ANGPTL1: variants seen among roughly 807,000 people sequenced by gnomAD.
ANGPTL1 encodes the protein angiopoietin like 1.
ANGPTL1 carries 36 observed loss-of-function variants against 46.7 expected under a neutral mutation model. The ratio of observed to expected loss-of-function variants is 0.77; its 90% CI spans 0.59 to 1.02. The LOEUF is 1.02. Among genes scored for constraint, ANGPTL1 ranks in the 50% least tolerant of loss-of-function variants. ANGPTL1 has a pLI of 0.00. For synonymous variants in ANGPTL1, 221 were observed against 204.3 expected (o/e 1.08, Z -0.69); for missense variants, 571 against 594.7 (o/e 0.96, Z 0.41).
Position 178,850,180 on chromosome 1 carries a change from G to A in ANGPTL1, c.*949C>T, listed in dbSNP as rs943871164. On this transcript the variant is annotated 3_prime_UTR_variant, in exon 6 of 6. Transcript: ENST00000234816. ...CCTTGAGTTTGTTTTAGTCCCACCT[G>A]TTCTGAGCATGCACTAATACTTGTA... The A allele has an allele frequency of 3.5e-4, 54 of 152,710 alleles. No homozygotes were observed. Among genetic ancestry groups the A allele is most frequent in the Non-Finnish European group, 7.3e-5 (5 of 68,034 alleles). 9.5% of individuals were successfully genotyped at this position (152,710 alleles called of 1,614,324 possible). A position where few individuals can be genotyped will look rare whatever the true frequency, so the allele number is the denominator to read the frequency against.
chr1:178,864,147 C>T (rs979427048), intron 3 of ANGPTL1, among the ~76,000 whole-genome samples: 6 of 151,948 alleles, frequency 3.9e-5, no homozygotes, highest in Non-Finnish European at 7.4e-5. Flanking sequence ...GTTTAGTAAA[C>T]TGAAACAAAG....
Position 178,870,996 on chromosome 1 carries a change from A to G in ANGPTL1, c.-392T>C, listed in dbSNP as rs1170970597. The G allele has an allele frequency of 1.3e-5, 2 of 152,224 alleles. No homozygotes were observed. The highest frequency in any genetic ancestry group is 2.4e-5 in the African/African-American group (1 of 41,452). The allele number at this position is 152,224 out of a possible 1,614,324, so 9.4% of individuals were successfully genotyped here. ...CTGTGGGCCGTCTTTAATCCAGCAG[A>G]GAAAGCGTTGTGGCTTTGCTCTGTC... On this transcript the variant is annotated 5_prime_UTR_variant, in exon 1 of 6. Transcript: ENST00000234816.
chr1:178,849,579 G>T lies in ANGPTL1; in HGVS notation c.*1550C>A, dbSNP rs1468440841. 6.6e-6 allele frequency: 1 copy of T among 152,196 alleles called. No individual in the cohort carries two copies. Among genetic ancestry groups the T allele is most frequent in the African/African-American group, 2.4e-5 (1 of 41,446 alleles). The allele number at this position is 152,196 out of a possible 1,614,324, so 9.4% of individuals were successfully genotyped here. On this transcript the variant is annotated 3_prime_UTR_variant, in exon 6 of 6. Transcript: ENST00000234816. ...AAGTTTTATTCACTTAAGATTTGGT[G>T]TAACAGTTAGATGCCCAGTTCCTTC...
chr1:178,867,473 T>C (rs967095072), intron 2 of ANGPTL1, among the ~76,000 whole-genome samples: 2 of 152,092 alleles, frequency 1.3e-5, no homozygotes, highest in African/African-American at 4.8e-5. Context: ...TATCATTTTA[T>C]AAAGGAGGAA....
At chr1:178,863,591 A>T (rs1378771309) in intron 3 of ANGPTL1, among the ~76,000 whole-genome samples, 1 of 152,196 alleles carries the variant, frequency 6.6e-6, no homozygotes, top group African/African-American at 2.4e-5. Flanking sequence ...AAGCAGTAGC[A>T]TGTGAGGTAA....
At chr1:178,855,411 G>A (rs893109266) in intron 3 of ANGPTL1, among the ~76,000 whole-genome samples, 2 of 150,838 alleles carry the variant, frequency 1.3e-5, no homozygotes, top group Non-Finnish European at 3.0e-5. Flanking sequence ...AAAAGTACAC[G>A]CAAAAATCAA....
chr1:178,860,552 A>C (rs984019182), intron 3 of ANGPTL1, among the ~76,000 whole-genome samples: 1 of 152,158 alleles, frequency 6.6e-6, no homozygotes, highest in African/African-American at 2.4e-5. Flanking sequence ...AGAACTCTTC[A>C]TCTTGCAAAA....
rs1363680465 is a variant in ANGPTL1, at chr1:178,852,774, C to A, written c.1197G>T (p.Leu399=). The part of the protein sequence containing the change: ...EPESEFYRLR[L]GTYQGNAGDS... ...CCCCTGCATTTCCCTGGTAAGTTCC[C>A]AGGCGCAGTCTATAGAATTCACTTT... Residue 399 remains leucine, a synonymous_variant, in exon 5 of 6, where the codon CTG becomes CTT. Coordinates refer to ENST00000234816, the MANE Select transcript of ANGPTL1 (RefSeq NM_004673.4). 1.2e-6 allele frequency: 2 copies of A among 1,613,784 alleles called. No homozygotes were observed. Among genetic ancestry groups the A allele is most frequent in the Non-Finnish European group, 1.7e-6 (2 of 1,179,874 alleles).
At position 178,865,691 on chromosome 1, in the gene ANGPTL1, T is replaced by C. The variant is rs1572426240; in HGVS notation, c.86A>G (p.Lys29Arg). The C allele has an allele frequency of 1.9e-6, 3 of 1,614,068 alleles. No individual in the cohort carries two copies. The highest frequency in any genetic ancestry group is 2.5e-6 in the Non-Finnish European group (3 of 1,179,966). Residue 29 changes from lysine to arginine, a missense_variant, in exon 3 of 6, where the codon AAA (lysine) becomes AGA (arginine). By Grantham distance (26) the Lys-to-Arg change is conservative (BLOSUM62 2). Coordinates refer to ENST00000234816, the MANE Select transcript of ANGPTL1 (RefSeq NM_004673.4). ...GHCRGGQFKI[K>R]KINQRRYPRA... is the part of the protein sequence containing the mutation. ...AGGGTATCTTCTCTGGTTTATTTTTTTAATTTTGAATTGTCCACCTCTGCA... is the reference window on the plus strand; with the variant it reads ...AGGGTATCTTCTCTGGTTTATTTTTCTAATTTTGAATTGTCCACCTCTGCA...
chr1:178,854,226 A>G lies in ANGPTL1; in HGVS notation c.824-439T>C, dbSNP rs201075204. Among the ~76,000 whole-genome samples, 4 of 152,286 alleles carry G rather than the reference A, an allele frequency of 2.6e-5. No homozygotes were observed. The East Asian group carries it at 7.7e-4, about 29-fold the overall frequency. ...CTTATTGAATTCATTTTTTAATATT[A>G]TAAAAATGCTGAGGGATCGATCTAC... On this transcript the variant is annotated intron_variant, in intron 3 of 5. Coordinates refer to ENST00000234816, the MANE Select transcript of ANGPTL1 (RefSeq NM_004673.4).
chr1:178,862,171 C>T (rs111693109), intron 3 of ANGPTL1, among the ~76,000 whole-genome samples: 6 of 151,904 alleles, frequency 3.9e-5, no homozygotes, highest in Admixed American at 6.6e-5. Context: ...CCATGCCCGG[C>T]GAGGATATTA....
At chr1:178,866,998 C>A (rs1029296767) in intron 2 of ANGPTL1, among the ~76,000 whole-genome samples, 6 of 152,026 alleles carry the variant, frequency 3.9e-5, no homozygotes, top group African/African-American at 1.5e-4. Context: ...TATTACAGGC[C>A]ACCTTTTCAC....
In ANGPTL1 at chr1:178,852,907, T is replaced by TGA. The variant is rs1558150241; in HGVS notation, c.1063_1064insTC (p.Asn355IlefsTer15). 1.9e-6 allele frequency: 3 copies of TGA among 1,613,594 alleles called. No individual in the cohort carries two copies. In the Admixed American group the frequency reaches 5.0e-5, roughly 27 times the overall value. ...ATCTTGATTGCTAAGCATATAGATA[T>TGA]TTTCCAGTCCAAGCCAGTATTCTCC... is the stretch of plus-strand genomic sequence containing the variant. On this transcript the variant is annotated frameshift_variant, in exon 5 of 6. Coordinates refer to ENST00000234816, the MANE Select transcript of ANGPTL1 (RefSeq NM_004673.4). LOFTEE classifies it high-confidence loss of function.
rs980044720 is a variant in ANGPTL1 at position 178,852,777 on chromosome 1, G to A, written c.1194C>T (p.Arg398=). The change falls in exon 5 of 6, where the codon CGC becomes CGT. Residue 398 remains arginine, a synonymous_variant. Coordinates refer to ENST00000234816, the MANE Select transcript of ANGPTL1 (RefSeq NM_004673.4). ...CTGCATTTCCCTGGTAAGTTCCCAG[G>A]CGCAGTCTATAGAATTCACTTTCAG... ...LEPESEFYRL[R]LGTYQGNAGD... is the part of the protein sequence containing the mutation. 6.2e-7 allele frequency: 1 copy of A among 1,613,882 alleles called. No individual in the cohort carries two copies. The highest frequency in any genetic ancestry group is 1.7e-5 in the Admixed American group (1 of 59,980).
chr1:178,853,522 A>G (rs1390738978), intron 4 of ANGPTL1, 72 bp downstream of exon 4: 1 of 1,196,424 alleles, frequency 8.4e-7, no homozygotes, highest in Non-Finnish European at 1.1e-6. Context: ...TTTATTGCAT[A>G]GCATCTTGTT....
At chr1:178,867,459 GC>G (rs1658487584) in intron 2 of ANGPTL1, among the ~76,000 whole-genome samples, 1 of 152,008 alleles carries the variant, frequency 6.6e-6, no homozygotes, top group African/African-American at 2.4e-5. Context: ...CTGAAGTAAT[GC>G]TGTATCATTT....
chr1:178,852,715 G>T lies in ANGPTL1; in HGVS notation c.1256C>A (p.Thr419Asn). The change falls in exon 5 of 6, where the codon ACC (threonine) becomes AAC (asparagine). Residue 419 changes from threonine (T) to asparagine (N), a missense_variant. Physicochemically the swap from Thr to Asn is moderately conservative, Grantham distance 65 (BLOSUM62 0). Coordinates refer to ENST00000234816, the MANE Select transcript of ANGPTL1 (RefSeq NM_004673.4). ...SMMWHNGKQFTTLDRDKDMYA... is the reference protein window; with the variant it reads ...SMMWHNGKQFNTLDRDKDMYA... ...CATATCTTTATCTCTGTCCAGTGTG[G>T]TGAATTGTTTACCATTATGCCACAT... is the stretch of plus-strand genomic sequence containing the variant. The T allele has an allele frequency of 6.2e-7, 1 of 1,613,696 alleles. No individual in the cohort carries two copies. Among genetic ancestry groups the T allele is most frequent in the Non-Finnish European group, 8.5e-7 (1 of 1,179,762 alleles).
At chr1:178,854,303 A>G (rs1657385051) in intron 3 of ANGPTL1, among the ~76,000 whole-genome samples, 2 of 152,312 alleles carry the variant, frequency 1.3e-5, no homozygotes, top group South Asian at 4.1e-4. Context: ...CCCAAGTTAC[A>G]GTTTTGGAAA....
intron 3 of ANGPTL1, among the ~76,000 whole-genome samples, chr1:178,855,738 C>G (rs948729482): frequency 1.3e-5 from 2 of 151,626 alleles, no homozygotes; most frequent in African/African-American, 4.8e-5. Flanking sequence ...AATTATTGTC[C>G]TTTCAGTTCC....
Sources: gnomAD v4.1 joint callset for allele counts (sites outside exome capture counted in the v4.1 genomes callset) on GRCh38, gnomAD v4.1.1 for gene constraint, MANE v1.5 for transcripts, NCBI Gene and HGNC (gene_info 2026-07-23, HGNC 2026-07-21) for gene names.